Variants in SLC24A2 observed in about 807,000 individuals in gnomAD.
The protein encoded by SLC24A2 is solute carrier family 24 member 2, also known as sodium/potassium/calcium exchanger 2.
In SLC24A2, 36 loss-of-function variants were observed where a neutral mutation model predicts 62.0. The observed-to-expected ratio is 0.58, with a 90% CI of 0.44 to 0.77. The LOEUF (loss-of-function observed/expected upper bound fraction) is 0.77, where lower values mean the gene tolerates loss of function less well. Ranked by LOEUF, SLC24A2 falls within the 30% of genes least tolerant of loss-of-function variation. SLC24A2 has a pLI of 0.00. For missense variants in SLC24A2, 846 were observed against 817.9 expected (o/e 1.03, Z -0.42); for synonymous variants, 358 against 294.0 (o/e 1.22, Z -2.23).
chr9:19,516,656 C>T (rs1832944201), intron 10 of SLC24A2, among the ~76,000 whole-genome samples: 1 of 152,162 alleles, frequency 6.6e-6, no homozygotes, highest in Admixed American at 6.5e-5. Flanking sequence ...AAAGACATGA[C>T]TGCTGTGGGT....
At chr9:19,676,040 G>A (rs1056580143) in intron 2 of SLC24A2, among the ~76,000 whole-genome samples, 8 of 152,100 alleles carry the variant, frequency 5.3e-5, no homozygotes, top group Admixed American at 2.6e-4. Flanking sequence ...GAGCCCATAG[G>A]GCTCTTCCCA....
chr9:20,084,332 A>G, the SLC24A2 span, among the ~76,000 whole-genome samples: 2 of 152,220 alleles, frequency 1.3e-5, no homozygotes, highest in South Asian at 4.1e-4. Flanking sequence ...CCAATGGTGT[A>G]CATCTCTTCC....
the SLC24A2 span, among the ~76,000 whole-genome samples, chr9:20,125,058 T>G: frequency 6.6e-6 from 1 of 152,184 alleles, no homozygotes; most frequent in African/African-American, 2.4e-5. Context: ...TAAAGCCAAC[T>G]GCATAATCTT....
At chr9:20,015,570 C>T in the SLC24A2 span, among the ~76,000 whole-genome samples, 4,602 of 152,280 alleles carry the variant, frequency 0.03, 202 homozygotes, top group African/African-American at 0.1. Flanking sequence ...CCATCCCTGA[C>T]CATACAGAGA....
the SLC24A2 span, among the ~76,000 whole-genome samples, chr9:20,246,326 C>T: frequency 2.6e-5 from 4 of 152,204 alleles, no homozygotes; most frequent in African/African-American, 9.6e-5. Flanking sequence ...TTCCATCACA[C>T]AGCTGAACAC....
At chr9:19,704,437 G>A (rs1820448887) in intron 2 of SLC24A2, among the ~76,000 whole-genome samples, 1 of 151,988 alleles carries the variant, frequency 6.6e-6, no homozygotes, top group Non-Finnish European at 1.5e-5. Context: ...CAGATGGGAA[G>A]AATACATATT....
chr9:19,837,941 A>G, the SLC24A2 span, among the ~76,000 whole-genome samples: 1 of 151,994 alleles, frequency 6.6e-6, no homozygotes, highest in Non-Finnish European at 1.5e-5. Context: ...ATGGAAGAAC[A>G]TTCCATGCTC....
chr9:20,187,465 C>T, the SLC24A2 span, among the ~76,000 whole-genome samples: 1 of 152,150 alleles, frequency 6.6e-6, no homozygotes, highest in Non-Finnish European at 1.5e-5. Context: ...AATGATCACG[C>T]TCACTTTGCC....
At chr9:19,717,998 A>G (rs2118633668) in intron 2 of SLC24A2, among the ~76,000 whole-genome samples, 1 of 150,728 alleles carries the variant, frequency 6.6e-6, no homozygotes, top group African/African-American at 2.4e-5. Flanking sequence ...TTTTTTTAAA[A>G]CGGAGTCTCG....
chr9:19,687,700 C>A (rs1313560570), intron 2 of SLC24A2, among the ~76,000 whole-genome samples: 3 of 152,054 alleles, frequency 2.0e-5, no homozygotes, highest in African/African-American at 7.2e-5. Flanking sequence ...CTGGCTTTGA[C>A]CTTTGCATTC....
chr9:20,036,928 G>GCT, the SLC24A2 span, among the ~76,000 whole-genome samples: 6 of 80,896 alleles, frequency 7.4e-5, no homozygotes, highest in African/African-American at 3.6e-4. Context: ...ATGGAGTTTT[G>GCT]CTCGTTACCC....
the SLC24A2 span, among the ~76,000 whole-genome samples, chr9:20,018,346 CTCTA>C: frequency 7.9e-5 from 12 of 152,158 alleles, no homozygotes; most frequent in East Asian, 9.6e-4. Context: ...ATCTTTCTTC[CTCTA>C]TCTGTCTATC....
the SLC24A2 span, among the ~76,000 whole-genome samples, chr9:19,853,626 G>A: frequency 2.0e-5 from 3 of 152,260 alleles, no homozygotes; most frequent in East Asian, 1.9e-4. Context: ...ATTTGCATAT[G>A]TTGAACCAGC....
the SLC24A2 span, among the ~76,000 whole-genome samples, chr9:20,051,657 C>CTCTTTTTT: frequency 2.9e-4 from 21 of 73,484 alleles, no homozygotes; most frequent in Admixed American, 1.2e-3. Context: ...TTTTCTTTCT[C>CTCTTTTTT]TTTTTTTTTT....
intron 9 of SLC24A2, among the ~76,000 whole-genome samples, chr9:19,521,479 C>A (rs1833197073): frequency 6.6e-6 from 1 of 152,190 alleles, no homozygotes; most frequent in East Asian, 1.9e-4. Flanking sequence ...AGGACTGACA[C>A]CCAGGGTCTC....
At chr9:19,764,960 T>C (rs1220326846) in intron 2 of SLC24A2, among the ~76,000 whole-genome samples, 2 of 152,236 alleles carry the variant, frequency 1.3e-5, no homozygotes, top group Non-Finnish European at 2.9e-5. Flanking sequence ...ATAACTTGCT[T>C]TATGAATCTG....
At chr9:19,588,431 G>C (rs1313000740) in intron 5 of SLC24A2, among the ~76,000 whole-genome samples, 1 of 152,070 alleles carries the variant, frequency 6.6e-6, no homozygotes, top group African/African-American at 2.4e-5. Context: ...TGATCTTGAG[G>C]TATGAAGGGC....
chr9:19,631,109 G>A (rs768948975), intron 2 of SLC24A2, among the ~76,000 whole-genome samples: 5 of 152,158 alleles, frequency 3.3e-5, no homozygotes, highest in Non-Finnish European at 7.3e-5. Flanking sequence ...TGAGGGCAGA[G>A]ACCATGTCTA....
the SLC24A2 span, among the ~76,000 whole-genome samples, chr9:19,835,067 T>G: frequency 0.97 from 147,763 of 151,672 alleles, 72,060 homozygotes; most frequent in East Asian, 1. Flanking sequence ...AAAGAGCTCC[T>G]GAAGGAAGCA....
Sources: gnomAD v4.1 joint callset for allele counts (sites outside exome capture counted in the v4.1 genomes callset) on GRCh38, gnomAD v4.1.1 for gene constraint, MANE v1.5 for transcripts, NCBI Gene and HGNC (gene_info 2026-07-23, HGNC 2026-07-21) for gene names.